The following GPAT3 variants were observed in gnomAD, a reference collection of about 807,000 sequenced individuals.
GPAT3 encodes the protein glycerol-3-phosphate acyltransferase 3, also known as 1-AGP acyltransferase 9.
Under a neutral mutation model 58.8 loss-of-function variants are expected in GPAT3, and 53 were observed. That is an observed-to-expected ratio of 0.90 (90% confidence interval 0.72 to 1.13). GPAT3 has a LOEUF of 1.13. GPAT3 is among the 50% of genes most tolerant of loss of function. The pLI is 0.00. For synonymous variants in GPAT3, 197 were observed against 187.4 expected (o/e 1.05, Z -0.42); for missense variants, 511 against 527.6 (o/e 0.97, Z 0.31).
intron 2 of GPAT3, among the ~76,000 whole-genome samples, chr4:83,559,697 T>G (rs189704622): frequency 6.6e-6 from 1 of 152,302 alleles, no homozygotes; most frequent in East Asian, 1.9e-4. Context: ...TCCTTTGCCT[T>G]TTCTTCTTTC....
chr4:83,548,040 T>A (rs1253170105), intron 2 of GPAT3, among the ~76,000 whole-genome samples: 2 of 152,162 alleles, frequency 1.3e-5, no homozygotes, highest in African/African-American at 2.4e-5. Flanking sequence ...AAGGTAAATC[T>A]TTTTCCCCAC....
intron 2 of GPAT3, among the ~76,000 whole-genome samples, chr4:83,575,983 A>C (rs1578183581): frequency 6.6e-6 from 1 of 152,200 alleles, no homozygotes; most frequent in Non-Finnish European, 1.5e-5. Context: ...TCTGACTTTC[A>C]TGCTTATCTT....
At chr4:83,601,281 C>A (rs1005233970) in intron 11 of GPAT3, among the ~76,000 whole-genome samples, 2 of 152,184 alleles carry the variant, frequency 1.3e-5, no homozygotes, top group African/African-American at 4.8e-5. Flanking sequence ...AACCTATCAA[C>A]AATGTTCAGG....
intron 7 of GPAT3, 28 bp from the exon 8 acceptor site, chr4:83,596,830 A>G: frequency 1.9e-6 from 3 of 1,581,010 alleles, no homozygotes; most frequent in Non-Finnish European, 8.7e-7. Context: ...TTATAAAGGC[A>G]GAATTTTGAT....
chr4:83,574,384 C>T lies in GPAT3; in HGVS notation c.209-7178C>T, dbSNP rs542941452. On this transcript the variant is annotated intron_variant, in intron 2 of 11. Transcript: ENST00000264409. ...TTAATTATGTTTGAGATGGTTTCAA[C>T]TTCTGCCTTCATTTCCACAGGCCTT... Among the ~76,000 whole-genome samples, 68 of 152,314 alleles carry T rather than the reference C, an allele frequency of 4.5e-4. No individual in the cohort carries two copies. The South Asian group carries it at 0.013, about 30-fold the overall frequency.
intron 2 of GPAT3, among the ~76,000 whole-genome samples, chr4:83,546,721 C>T (rs1032690446): frequency 1.4e-4 from 22 of 152,060 alleles, no homozygotes; most frequent in African/African-American, 5.1e-4. Flanking sequence ...AGACATAGTC[C>T]CTGTGGGGAG....
At chr4:83,551,601 G>A (rs952592577) in intron 2 of GPAT3, among the ~76,000 whole-genome samples, 46 of 151,840 alleles carry the variant, frequency 3.0e-4, no homozygotes, top group Non-Finnish European at 1.3e-4. Flanking sequence ...AGACCATCCT[G>A]GCCAACATGG....
chr4:83,574,403 A>G (rs932289052), intron 2 of GPAT3, among the ~76,000 whole-genome samples: 17 of 152,160 alleles, frequency 1.1e-4, no homozygotes, highest in Non-Finnish European at 2.1e-4. Flanking sequence ...TCATTTCCAC[A>G]GGCCTTTCGT....
intron 2 of GPAT3, among the ~76,000 whole-genome samples, chr4:83,579,422 A>G (rs1487283962): frequency 1.3e-5 from 2 of 150,960 alleles, no homozygotes; most frequent in Non-Finnish European, 2.9e-5. Context: ...CCTCCCAAGT[A>G]GCTGGGACTA....
At chr4:83,585,972 G>A (rs1726360934) in intron 3 of GPAT3, among the ~76,000 whole-genome samples, 1 of 151,340 alleles carries the variant, frequency 6.6e-6, no homozygotes, top group Non-Finnish European at 1.5e-5. Context: ...AATGAATTCT[G>A]GAGCCCTGGG....
At chr4:83,561,339 A>C (rs1725118136) in intron 2 of GPAT3, among the ~76,000 whole-genome samples, 1 of 152,212 alleles carries the variant, frequency 6.6e-6, no homozygotes, top group Admixed American at 6.5e-5. Flanking sequence ...GAATATGTAA[A>C]ATACTTAAAA....
chr4:83,599,005 T>A (rs975667004), intron 11 of GPAT3, among the ~76,000 whole-genome samples: 7 of 151,864 alleles, frequency 4.6e-5, no homozygotes, highest in Non-Finnish European at 1.0e-4. Flanking sequence ...CTGAGGCTGG[T>A]CTCAAACTCC....
At chr4:83,601,534 C>A (rs1165503288) in intron 11 of GPAT3, among the ~76,000 whole-genome samples, 1 of 152,190 alleles carries the variant, frequency 6.6e-6, no homozygotes, top group Non-Finnish European at 1.5e-5. Context: ...AGGTAGATCA[C>A]CTGAGTTTAA....
At chr4:83,588,435 G>T (rs1333253315) in intron 5 of GPAT3, 136 bp downstream of exon 5, 6 of 717,712 alleles carry the variant, frequency 8.4e-6, no homozygotes, top group Non-Finnish European at 1.2e-5. Context: ...ACTTCTCAGT[G>T]TGGCACAGGC....
At chr4:83,572,122 G>A (rs1400869131) in intron 2 of GPAT3, among the ~76,000 whole-genome samples, 1 of 152,024 alleles carries the variant, frequency 6.6e-6, no homozygotes, top group Non-Finnish European at 1.5e-5. Flanking sequence ...AATATATCTG[G>A]GAGTGGGCCC....
intron 11 of GPAT3, among the ~76,000 whole-genome samples, chr4:83,600,823 C>T (rs562759866): frequency 2.4e-4 from 37 of 152,226 alleles, no homozygotes; most frequent in African/African-American, 7.5e-4. Flanking sequence ...TTCTTATTTA[C>T]ATACAGGATG....
At chr4:83,594,745 CAT>C in intron 6 of GPAT3, 98 bp from the exon 7 acceptor site, 1 of 934,544 alleles carries the variant, frequency 1.1e-6, no homozygotes, top group South Asian at 1.5e-5. Context: ...GAAGGCCAAT[CAT>C]ATTTTTGAGT....
intron 2 of GPAT3, among the ~76,000 whole-genome samples, chr4:83,571,701 CACACACATATATAT>C (rs1485407472): frequency 1.3e-4 from 13 of 102,178 alleles, no homozygotes; most frequent in Admixed American, 4.5e-4. Flanking sequence ...TATATATACA[CACACACATATATAT>C]ACACACACAT....
chr4:83,535,969 G>T, upstream of GPAT3: 3 of 985,542 alleles, frequency 3.0e-6, no homozygotes, highest in Non-Finnish European at 3.6e-6. Context: ...GAGGCGGGGC[G>T]CGGGGAAGAA....
Sources: allele counts gnomAD v4.1 joint callset (sites outside exome capture counted in the v4.1 genomes callset), GRCh38; gene constraint gnomAD v4.1.1; transcripts MANE v1.5; gene names NCBI Gene and HGNC (gene_info 2026-07-23, HGNC 2026-07-21).